The following NUDT3 variants were observed in gnomAD, a reference collection of about 807,000 sequenced individuals.
NUDT3 encodes the protein nudix hydrolase 3, also known as diphosphoinositol polyphosphate phosphohydrolase 1.
Under a neutral mutation model 23.6 loss-of-function variants are expected in NUDT3, and 9 were observed. The ratio of observed to expected loss-of-function variants is 0.38; its 90% CI spans 0.23 to 0.66. The LOEUF (loss-of-function observed/expected upper bound fraction) is 0.66. Among genes scored for constraint, NUDT3 ranks in the 30% least tolerant of loss-of-function variants. The pLI is 0.52. For missense variants in NUDT3, 172 were observed against 218.5 expected (o/e 0.79, Z 1.34); for synonymous variants, 86 against 82.6 (o/e 1.04, Z -0.22).
intron 1 of NUDT3, among the ~76,000 whole-genome samples, chr6:34,377,460 G>A (rs1764942588): frequency 1.3e-5 from 2 of 152,102 alleles, no homozygotes; most frequent in South Asian, 4.1e-4. Flanking sequence ...TCTGGTCCTT[G>A]ATACCCCCAA....
intron 2 of NUDT3, among the ~76,000 whole-genome samples, chr6:34,314,305 C>T (rs1002665102): frequency 6.6e-6 from 1 of 151,182 alleles, no homozygotes; most frequent in Non-Finnish European, 1.5e-5. Flanking sequence ...GTAATCCCAG[C>T]ACTTTGGAAG....
chr6:34,300,681 T>C (rs1188012053), intron 2 of NUDT3, among the ~76,000 whole-genome samples: 1 of 152,248 alleles, frequency 6.6e-6, no homozygotes, highest in Non-Finnish European at 1.5e-5. Flanking sequence ...AGTGCCCTGA[T>C]GCTGTGAAGC....
chr6:34,372,068 T>C (rs1286425342), intron 1 of NUDT3, among the ~76,000 whole-genome samples: 1 of 151,990 alleles, frequency 6.6e-6, no homozygotes, highest in African/African-American at 2.4e-5. Flanking sequence ...ACAAAGGACA[T>C]GAACTCATCA....
chr6:34,351,226 A>AAAAAAAAAAAAAAAAAAAAAAAAAAAAAC, intron 1 of NUDT3, among the ~76,000 whole-genome samples: 1 of 133,976 alleles, frequency 7.5e-6, no homozygotes, highest in South Asian at 2.4e-4. Flanking sequence ...AAAAAAAAAA[A>AAAAAAAAAAAAAAAAAAAAAAAAAAAAAC]CACTTTGGGA....
intron 1 of NUDT3, among the ~76,000 whole-genome samples, chr6:34,361,965 G>A (rs150906337): frequency 5.1e-4 from 78 of 152,308 alleles, no homozygotes; most frequent in African/African-American, 1.8e-3. Flanking sequence ...ACCAGCAAGA[G>A]AGAACTCTAA....
chr6:34,329,797 C>G (rs1331752563), intron 2 of NUDT3, among the ~76,000 whole-genome samples: 2 of 152,110 alleles, frequency 1.3e-5, no homozygotes, highest in Admixed American at 6.6e-5. Context: ...GCTATCCCTC[C>G]CCCAACCCCA....
intron 2 of NUDT3, among the ~76,000 whole-genome samples, chr6:34,325,573 C>A: frequency 6.6e-6 from 1 of 152,022 alleles, no homozygotes; most frequent in Non-Finnish European, 1.5e-5. Context: ...TATGAGTTTT[C>A]CTAGGAGGGC....
At chr6:34,382,431 T>A (rs948815861) in intron 1 of NUDT3, among the ~76,000 whole-genome samples, 4 of 152,060 alleles carry the variant, frequency 2.6e-5, no homozygotes, top group Non-Finnish European at 5.9e-5. Flanking sequence ...TTTCAAAGTA[T>A]AAGCACAATG....
intron 4 of NUDT3, 121 bp from the exon 5 acceptor site, chr6:34,289,052 A>C: frequency 7.8e-7 from 1 of 1,276,160 alleles, no homozygotes; most frequent in Non-Finnish European, 1.0e-6. Context: ...TCCTTACAAA[A>C]ATAACTCAAG....
intron 4 of NUDT3, among the ~76,000 whole-genome samples, chr6:34,290,210 C>T (rs1444818259): frequency 6.6e-6 from 1 of 151,648 alleles, no homozygotes; most frequent in Non-Finnish European, 1.5e-5. Flanking sequence ...CTGGTTTTTA[C>T]TTCATGTTAT....
chr6:34,327,447 T>A (rs1405517068), intron 2 of NUDT3, among the ~76,000 whole-genome samples: 2 of 151,438 alleles, frequency 1.3e-5, no homozygotes, highest in African/African-American at 4.9e-5. Context: ...GGAAAATCGC[T>A]TGAACCTGGG....
rs529213182 is a variant in NUDT3, at chr6:34,288,404, G to A, written c.*349C>T. 1.6e-4 allele frequency: 31 copies of A among 193,984 alleles called. No homozygotes were observed. Among genetic ancestry groups the A allele is most frequent in the Middle Eastern group, 2.1e-3 (1 of 486 alleles). The allele number at this position is 193,984 out of a possible 1,614,324, so 12.0% of individuals were successfully genotyped here. ...AAAAAAATTAAAAATCAAAGAAAACGTCTGGCCAGGGCCAGGATAAGACAA... is the reference window on the plus strand; with the variant it reads ...AAAAAAATTAAAAATCAAAGAAAACATCTGGCCAGGGCCAGGATAAGACAA... On this transcript the variant is annotated 3_prime_UTR_variant, in exon 5 of 5. Transcript: ENST00000607016.
intron 2 of NUDT3, among the ~76,000 whole-genome samples, chr6:34,338,699 T>C (rs1007423116): frequency 1.4e-4 from 22 of 152,230 alleles, no homozygotes; most frequent in African/African-American, 5.1e-4. Context: ...ACTGACACAC[T>C]GTAGATCAGA....
At chr6:34,361,898 T>C (rs560179010) in intron 1 of NUDT3, among the ~76,000 whole-genome samples, 7 of 152,316 alleles carry the variant, frequency 4.6e-5, no homozygotes, top group African/African-American at 1.7e-4. Flanking sequence ...AGAGAATTTT[T>C]AGGGCAGTAA....
chr6:34,315,819 A>G (rs1349284902), intron 2 of NUDT3, among the ~76,000 whole-genome samples: 1 of 152,182 alleles, frequency 6.6e-6, no homozygotes, highest in Non-Finnish European at 1.5e-5. Context: ...TCTCAAGTTT[A>G]AGGATTTTCT....
intron 3 of NUDT3, among the ~76,000 whole-genome samples, chr6:34,294,690 C>T (rs1267992545): frequency 6.6e-6 from 1 of 151,098 alleles, no homozygotes; most frequent in Non-Finnish European, 1.5e-5. Flanking sequence ...CGCACCATTG[C>T]ACTCCAGCCT....
chr6:34,369,117 T>C (rs1359855102), intron 1 of NUDT3, among the ~76,000 whole-genome samples: 1 of 152,230 alleles, frequency 6.6e-6, no homozygotes, highest in East Asian at 1.9e-4. Context: ...AAAACTTGTA[T>C]AGAAATGTAT....
At chr6:34,319,313 C>T (rs1314954699) in intron 2 of NUDT3, among the ~76,000 whole-genome samples, 1 of 152,188 alleles carries the variant, frequency 6.6e-6, no homozygotes, top group Non-Finnish European at 1.5e-5. Context: ...TCCTTCCTAC[C>T]AGTCACAAGT....
intron 2 of NUDT3, among the ~76,000 whole-genome samples, chr6:34,308,175 G>C (rs1157612741): frequency 7.6e-6 from 1 of 131,254 alleles, no homozygotes; most frequent in Non-Finnish European, 1.6e-5. Flanking sequence ...AAAAAGATAG[G>C]CCAGGTGCCA....
Sources: allele counts gnomAD v4.1 joint callset (sites outside exome capture counted in the v4.1 genomes callset), GRCh38; gene constraint gnomAD v4.1.1; transcripts MANE v1.5; gene names NCBI Gene and HGNC (gene_info 2026-07-23, HGNC 2026-07-21).